The following SV2B variants were observed in gnomAD, a reference collection of about 807,000 sequenced individuals.
SV2B encodes synaptic vesicle glycoprotein 2B.
Under a neutral mutation model 73.9 loss-of-function variants are expected in SV2B, and 41 were observed. That is an observed-to-expected ratio of 0.56 (90% CI 0.43 to 0.72). The LOEUF (loss-of-function observed/expected upper bound fraction) is 0.72. Ranked by LOEUF, SV2B falls within the 30% of genes least tolerant of loss-of-function variation. The pLI is 0.00. For missense variants in SV2B, 764 were observed against 857.8 expected, an observed-to-expected ratio of 0.89 and a Z score of 1.37; for synonymous variants, 314 against 314.2, an observed-to-expected ratio of 1.00 and a Z score of 0.01.
At position 91,136,450 on chromosome 15, in the gene SV2B, T is replaced by C. The variant is rs903026117; in HGVS notation, c.-392+36087T>C. On this transcript the variant is annotated intron_variant, in intron 1 of 12. Coordinates refer to ENST00000394232, the MANE Select transcript of SV2B (RefSeq NM_001323032.3). The surrounding 1 kb of genome is among the most constrained non-coding windows in gnomAD (Gnocchi z 5.6). ...TATTTACCCGTGCCCATCCAGCTAG[T>C]GGAGAACCAGTGGGAAGGCCCATGC... Among the ~76,000 whole-genome samples, 15 of 152,144 alleles carry C rather than the reference T, an allele frequency of 9.9e-5. No homozygotes were observed. Among genetic ancestry groups the C allele is most frequent in the African/African-American group, 3.6e-4 (15 of 41,446 alleles).
intron 4 of SV2B, among the ~76,000 whole-genome samples, chr15:91,257,194 G>A (rs1035623308): frequency 6.6e-6 from 1 of 152,122 alleles, no homozygotes; most frequent in Non-Finnish European, 1.5e-5. Context: ...TAAATGTCAT[G>A]GAGCTATTTC....
chr15:91,217,720 T>G (rs1451451984), intron 1 of SV2B, among the ~76,000 whole-genome samples: 5 of 152,376 alleles, frequency 3.3e-5, no homozygotes, highest in Non-Finnish European at 2.9e-5. Context: ...TCAAAGCATT[T>G]TCACAGATAC....
Position 91,226,107 on chromosome 15 carries a change from G to GC in SV2B, c.-157_-156insC, listed in dbSNP as rs1173751452. The GC allele has an allele frequency of 5.8e-6, 4 of 694,264 alleles. No individual in the cohort carries two copies. Among genetic ancestry groups the GC allele is most frequent in the Non-Finnish European group, 9.4e-6 (4 of 423,546 alleles). 43.0% of individuals were successfully genotyped at this position (694,264 alleles called of 1,614,324 possible). Reference sequence around the variant, plus strand: ...AATCTGGTTGATTTGAGAGATAAAGGGGGGGGGAACCAGTGTGACTTTCAC... The same window carrying GC: ...AATCTGGTTGATTTGAGAGATAAAGGCGGGGGGGAACCAGTGTGACTTTCAC... On this transcript the variant is annotated 5_prime_UTR_variant, in exon 2 of 13. Transcript: ENST00000394232.
chr15:91,114,291 TA>T (rs1052546806), intron 1 of SV2B, among the ~76,000 whole-genome samples: 2 of 151,534 alleles, frequency 1.3e-5, no homozygotes, highest in African/African-American at 4.9e-5. Context: ...TCTAACACCT[TA>T]ACCTTGAGGT....
Position 91,248,063 on chromosome 15 carries a change from T to C in SV2B, c.452-3756T>C, listed in dbSNP as rs376759694. On this transcript the variant is annotated intron_variant, in intron 2 of 12. Coordinates refer to ENST00000394232, the MANE Select transcript of SV2B (RefSeq NM_001323032.3). ...ATGTCATAAAGATCCTTGTCACGCC[T>C]GTAATCCCAGCACTTTGGGAGGCCG... Among the ~76,000 whole-genome samples the C allele has an allele frequency of 6.6e-5, 10 of 152,344 alleles. No individual in the cohort carries two copies. In the East Asian group the frequency reaches 7.7e-4, roughly 12 times the overall value.
At chr15:91,246,353 GCTAATAACAT>G (rs1212907583) in intron 2 of SV2B, among the ~76,000 whole-genome samples, 4 of 152,024 alleles carry the variant, frequency 2.6e-5, no homozygotes, top group African/African-American at 7.2e-5. Flanking sequence ...AAGCTGTACT[GCTAATAACAT>G]CAATAGCAGC....
chr15:91,167,149 A>G (rs539522175), intron 1 of SV2B, among the ~76,000 whole-genome samples: 1 of 152,182 alleles, frequency 6.6e-6, no homozygotes, highest in South Asian at 2.1e-4. Flanking sequence ...ATTTCTTTCA[A>G]TTAATTTAAG....
intron 4 of SV2B, among the ~76,000 whole-genome samples, chr15:91,256,291 G>A (rs140643351): frequency 4.6e-5 from 7 of 152,272 alleles, no homozygotes; most frequent in African/African-American, 1.7e-4. Flanking sequence ...TTAGGGCCCT[G>A]AAGATGTGCC....
At chr15:91,218,737 G>T (rs1217845506) in intron 1 of SV2B, among the ~76,000 whole-genome samples, 2 of 152,018 alleles carry the variant, frequency 1.3e-5, no homozygotes, top group Admixed American at 1.3e-4. Flanking sequence ...TTCTTCTTCT[G>T]CCCTGACTCA....
intron 1 of SV2B, among the ~76,000 whole-genome samples, chr15:91,210,131 A>T (rs1465331914): frequency 6.6e-6 from 1 of 151,962 alleles, no homozygotes; most frequent in Non-Finnish European, 1.5e-5. Context: ...GGAGATGGAG[A>T]TAGGAATTGG....
intron 2 of SV2B, among the ~76,000 whole-genome samples, chr15:91,233,188 A>G (rs1596641744): frequency 6.6e-6 from 1 of 152,340 alleles, no homozygotes; most frequent in South Asian, 2.1e-4. Flanking sequence ...CTGATAGTCC[A>G]TGTTGTGACG....
rs2041861134 is a variant in SV2B, at chr15:91,105,613, G to T, written c.-392+5250G>T. ...ACACCACTGGAGAATTCTGAGCACA[G>T]GGTGCTATTAGCTGATTTATGTTTT... is the stretch of plus-strand genomic sequence containing the variant. On this transcript the variant is annotated intron_variant, in intron 1 of 12. Coordinates refer to ENST00000394232, the MANE Select transcript of SV2B (RefSeq NM_001323032.3). This position sits in a 1 kb window ranked among gnomAD's most constrained non-coding sequence, Gnocchi z 5.5. Among the ~76,000 whole-genome samples, 1 of 152,212 alleles carries T rather than the reference G, an allele frequency of 6.6e-6. No individual in the cohort carries two copies.
intron 1 of SV2B, among the ~76,000 whole-genome samples, chr15:91,221,697 A>ACGCG (rs1257150475): frequency 8.8e-6 from 1 of 113,244 alleles, no homozygotes; most frequent in Non-Finnish European, 1.7e-5. Flanking sequence ...ATGTGCGCAC[A>ACGCG]CACACACACA....
Position 91,281,726 on chromosome 15 carries a change from A to G in SV2B, c.1374-2A>G. 1 of 1,593,394 alleles carries G rather than the reference A, an allele frequency of 6.3e-7. No individual in the cohort carries two copies. Reference sequence around the variant, plus strand: ...CACTCAAGGGTCAACCTCTTCCCACAGGTTCACAAGAATGTACTTTAAACA... The same window carrying G: ...CACTCAAGGGTCAACCTCTTCCCACGGGTTCACAAGAATGTACTTTAAACA... On this transcript the variant is annotated splice_acceptor_variant, in intron 9 of 12. Coordinates refer to ENST00000394232, the MANE Select transcript of SV2B (RefSeq NM_001323032.3). LOFTEE classifies it high-confidence loss of function. This position sits in a 1 kb window ranked among gnomAD's most constrained non-coding sequence, Gnocchi z 4.7.
rs535596405 is a variant in SV2B at position 91,197,772 on chromosome 15, G to T, written c.-391-28101G>T. On this transcript the variant is annotated intron_variant, in intron 1 of 12. Transcript: ENST00000394232. The surrounding 1 kb of genome is among the most constrained non-coding windows in gnomAD (Gnocchi z 4.9). ...TATGCAGCCAGGCCCGGTGGCCCACGCCTGTAATCCCAGCACTTTGGGAGG... is the reference window on the plus strand; with the variant it reads ...TATGCAGCCAGGCCCGGTGGCCCACTCCTGTAATCCCAGCACTTTGGGAGG... Among the ~76,000 whole-genome samples the T allele has an allele frequency of 6.6e-6, 1 of 151,958 alleles. No individual in the cohort carries two copies. The highest frequency in any genetic ancestry group is 1.5e-5 in the Non-Finnish European group (1 of 67,984).
chr15:91,272,130 A>G (rs1444372036), intron 9 of SV2B, among the ~76,000 whole-genome samples: 1 of 152,146 alleles, frequency 6.6e-6, no homozygotes, highest in Non-Finnish European at 1.5e-5. Context: ...GCATCCTTCT[A>G]GTGCCTTTTT....
At chr15:91,131,157 T>G (rs1024673468) in intron 1 of SV2B, among the ~76,000 whole-genome samples, 2 of 148,878 alleles carry the variant, frequency 1.3e-5, no homozygotes, top group African/African-American at 4.9e-5. Context: ...GTTTTTTTTT[T>G]TTTTTTTTTT....
intron 1 of SV2B, among the ~76,000 whole-genome samples, chr15:91,210,896 C>G (rs937411929): frequency 6.6e-6 from 1 of 152,218 alleles, no homozygotes; most frequent in African/African-American, 2.4e-5. Flanking sequence ...CTGTACGGGA[C>G]ATGAGGGCAG....
Position 91,231,486 on chromosome 15 carries a change from C to T in SV2B, c.451+4772C>T, listed in dbSNP as rs2046571625. On this transcript the variant is annotated intron_variant, in intron 2 of 12. Coordinates refer to ENST00000394232, the MANE Select transcript of SV2B (RefSeq NM_001323032.3). The surrounding 1 kb of genome is among the most constrained non-coding windows in gnomAD (Gnocchi z 4.5). ...TACTTTATTTTTTGAGTGTGGGAGC[C>T]TTGTCTCCCTGGAGCTATTACTATT... Among the ~76,000 whole-genome samples, 2 of 152,148 alleles carry T rather than the reference C, an allele frequency of 1.3e-5. No homozygotes were observed. The highest frequency in any genetic ancestry group is 1.9e-4 in the East Asian group (1 of 5,204).
Sources: gnomAD v4.1 joint callset for allele counts (sites outside exome capture counted in the v4.1 genomes callset) on GRCh38, gnomAD v4.1.1 for gene constraint, Gnocchi (gnomAD v3.1) non-coding constraint, MANE v1.5 for transcripts, NCBI Gene and HGNC (gene_info 2026-07-23, HGNC 2026-07-21) for gene names.